The following GLI3 variants were observed in gnomAD, a reference collection of about 807,000 sequenced individuals.
GLI3 encodes the protein transcription activator GLI3.
GLI3 carries 20 observed loss-of-function variants against 100.8 expected under a neutral mutation model. That is an observed-to-expected ratio of 0.20 (90% CI 0.14 to 0.29). GLI3 has a LOEUF of 0.29. GLI3 is among the 10% of genes least tolerant of loss of function. The probability of loss-of-function intolerance (pLI) is 1.00; values close to 1 mark genes in which losing one functional copy is unlikely to be tolerated. For missense variants in GLI3, 2,040 were observed against 2,128.5 expected (o/e 0.96, Z 0.82); for synonymous variants, 938 against 860.5 (o/e 1.09, Z -1.58).
intron 10 of GLI3, among the ~76,000 whole-genome samples, chr7:41,998,587 T>C (rs1434209405): frequency 6.6e-6 from 1 of 152,174 alleles, no homozygotes; most frequent in Non-Finnish European, 1.5e-5. Context: ...CAAAATCCAT[T>C]ACTCCTAGTA....
intron 3 of GLI3, among the ~76,000 whole-genome samples, chr7:42,147,239 G>A (rs1786735440): frequency 6.6e-6 from 1 of 152,068 alleles, no homozygotes; most frequent in South Asian, 2.1e-4. Flanking sequence ...TTTTATCCTG[G>A]GCACTTTCTT....
chr7:42,141,193 T>C (rs902501321), intron 3 of GLI3, among the ~76,000 whole-genome samples: 3 of 152,170 alleles, frequency 2.0e-5, no homozygotes, highest in Non-Finnish European at 4.4e-5. Flanking sequence ...GATACATCAC[T>C]GAAATTTGGA....
chr7:42,040,287 T>A, intron 6 of GLI3, 48 bp from the exon 7 acceptor site: 1 of 1,335,138 alleles, frequency 7.5e-7, no homozygotes, highest in South Asian at 1.2e-5. Flanking sequence ...TTGGACTCTA[T>A]ACCAGCTATT....
At chr7:42,208,592 T>C (rs183839021) in intron 2 of GLI3, among the ~76,000 whole-genome samples, 2 of 152,354 alleles carry the variant, frequency 1.3e-5, no homozygotes, top group East Asian at 3.9e-4. Context: ...TCAAAGTTTA[T>C]TGTACTCTTG....
chr7:42,032,126 GA>G (rs1259218580), intron 7 of GLI3, among the ~76,000 whole-genome samples: 1 of 152,012 alleles, frequency 6.6e-6, no homozygotes, highest in Non-Finnish European at 1.5e-5. Flanking sequence ...CAGGTAAAAG[GA>G]AAACTGCTAA....
At chr7:42,046,426 A>G (rs1784245685) in intron 5 of GLI3, among the ~76,000 whole-genome samples, 1 of 152,202 alleles carries the variant, frequency 6.6e-6, no homozygotes, top group Non-Finnish European at 1.5e-5. Flanking sequence ...TGTTTCATAT[A>G]CTTTTTATCC....
At position 42,026,328 on chromosome 7, in the gene GLI3, A is replaced by G. The variant is rs569506481; in HGVS notation, c.1113T>C (p.Gly371=). Residue 371 remains glycine (G), a synonymous_variant, in exon 8 of 15, where the codon GGT becomes GGC. Coordinates refer to ENST00000395925, the MANE Select transcript of GLI3 (RefSeq NM_000168.6). ...QQILSRQQSL[G]SAFGHSPPLI... Reference sequence around the variant, plus strand: ...GTGGAGGGCTGTGTCCAAAGGCTGAACCTAAGCTCTGTTGTCGGCTTAGGA... The same window carrying G: ...GTGGAGGGCTGTGTCCAAAGGCTGAGCCTAAGCTCTGTTGTCGGCTTAGGA... The G allele has an allele frequency of 8.1e-6, 13 of 1,614,048 alleles. No homozygotes were observed. The highest frequency in any genetic ancestry group is 7.7e-5 in the South Asian group (7 of 91,072).
At chr7:41,982,531 C>T (rs1178630905) in intron 10 of GLI3, among the ~76,000 whole-genome samples, 4 of 151,624 alleles carry the variant, frequency 2.6e-5, no homozygotes, top group African/African-American at 9.7e-5. Flanking sequence ...AGCAACACAG[C>T]GAGACCCCAT....
At chr7:42,070,438 G>A (rs1784762158) in intron 4 of GLI3, among the ~76,000 whole-genome samples, 1 of 152,160 alleles carries the variant, frequency 6.6e-6, no homozygotes, top group Non-Finnish European at 1.5e-5. Context: ...CCAAGTCTGT[G>A]GTCTTCATTT....
At chr7:42,022,155 C>A (rs1352358687) in intron 10 of GLI3, among the ~76,000 whole-genome samples, 2 of 151,976 alleles carry the variant, frequency 1.3e-5, no homozygotes, top group Non-Finnish European at 2.9e-5. Context: ...TACCAGGAGA[C>A]ATGATTTAAA....
At chr7:42,110,166 CA>C (rs1301107718) in intron 3 of GLI3, among the ~76,000 whole-genome samples, 1 of 152,144 alleles carries the variant, frequency 6.6e-6, no homozygotes. Flanking sequence ...ACAGAGGAAC[CA>C]ACCTCTGTCT....
At chr7:42,007,770 A>G (rs979967028) in intron 10 of GLI3, among the ~76,000 whole-genome samples, 14 of 152,338 alleles carry the variant, frequency 9.2e-5, no homozygotes, top group African/African-American at 3.1e-4. Context: ...GCTCTGGTAT[A>G]CAAGGAAAAA....
chr7:41,991,625 C>A (rs2237429), intron 10 of GLI3, among the ~76,000 whole-genome samples: 32,247 of 152,152 alleles, frequency 0.21, 3,636 homozygotes, highest in East Asian at 0.38. Context: ...TATAGGGATT[C>A]ATTCATTTGT....
intron 10 of GLI3, among the ~76,000 whole-genome samples, chr7:42,019,886 G>A (rs1329016121): frequency 6.6e-6 from 1 of 151,936 alleles, no homozygotes; most frequent in Non-Finnish European, 1.5e-5. Flanking sequence ...TGAAGTACAA[G>A]AACAAAGCTA....
chr7:42,149,542 TC>T (rs1786805853), intron 2 of GLI3, among the ~76,000 whole-genome samples: 1 of 152,292 alleles, frequency 6.6e-6, no homozygotes, highest in South Asian at 2.1e-4. Context: ...AACTACATGC[TC>T]CTAAACAAGT....
chr7:41,991,951 A>G (rs768708019), intron 10 of GLI3, among the ~76,000 whole-genome samples: 5 of 152,192 alleles, frequency 3.3e-5, no homozygotes, highest in Non-Finnish European at 1.5e-5. Flanking sequence ...ATGTGTGCAC[A>G]TGCTGGTGAG....
At position 41,972,944 on chromosome 7, in the gene GLI3, C is replaced by A. The variant is rs1399493843; in HGVS notation, c.1813-317G>T. On this transcript the variant is annotated intron_variant, in intron 12 of 14. Coordinates refer to ENST00000395925, the MANE Select transcript of GLI3 (RefSeq NM_000168.6). The surrounding 1 kb of genome is among the most constrained non-coding windows in gnomAD (Gnocchi z 4.4). ...AGAAGTATCACGGTGCCATAATAGG[C>A]ACTCAATAGATATTTGATGATGATG... Among the ~76,000 whole-genome samples the A allele has an allele frequency of 6.6e-6, 1 of 152,082 alleles. No homozygotes were observed. Among genetic ancestry groups the A allele is most frequent in the Non-Finnish European group, 1.5e-5 (1 of 68,020 alleles).
intron 5 of GLI3, among the ~76,000 whole-genome samples, chr7:42,045,912 A>G (rs931569918): frequency 6.6e-6 from 1 of 152,218 alleles, no homozygotes. Flanking sequence ...GAAGACTATG[A>G]TATCTTTCCA....
intron 2 of GLI3, chr7:42,150,119 T>C (rs1786819323): frequency 6.6e-6 from 1 of 152,218 alleles, no homozygotes; most frequent in Non-Finnish European, 1.5e-5. Flanking sequence ...AATATTATTT[T>C]AATAATGTTT....
Sources: allele counts gnomAD v4.1 joint callset (sites outside exome capture counted in the v4.1 genomes callset), GRCh38; gene constraint gnomAD v4.1.1; non-coding constraint Gnocchi (gnomAD v3.1); transcripts MANE v1.5; gene names NCBI Gene and HGNC (gene_info 2026-07-23, HGNC 2026-07-21).